MX2: variants seen among roughly 807,000 people sequenced by gnomAD.
The protein encoded by MX2 is MX dynamin like GTPase 2, also known as interferon-induced GTP-binding protein Mx2.
Under a neutral mutation model 74.0 loss-of-function variants are expected in MX2, and 51 were observed. The ratio of observed to expected loss-of-function variants is 0.69; its 90% CI spans 0.55 to 0.87. The LOEUF (loss-of-function observed/expected upper bound fraction) is 0.87. Ranked by LOEUF, MX2 falls within the 40% of genes least tolerant of loss-of-function variation. The pLI is 0.00. For synonymous variants in MX2, 369 were observed against 339.3 expected (o/e 1.09, Z -0.96); for missense variants, 832 against 908.7 (o/e 0.92, Z 1.09).
intron 8 of MX2, among the ~76,000 whole-genome samples, chr21:41,398,626 A>G (rs573947357): frequency 1.3e-5 from 2 of 152,336 alleles, no homozygotes; most frequent in South Asian, 2.1e-4. Context: ...TGAGCCAGGA[A>G]GCACATACTC....
chr21:41,390,595 A>T lies in MX2; in HGVS notation c.763A>T (p.Arg255Trp). The T allele has an allele frequency of 1.2e-6, 2 of 1,614,186 alleles. No individual in the cohort carries two copies. The highest frequency in any genetic ancestry group is 1.1e-5 in the South Asian group (1 of 91,082). ...GGCTCTCATCAAGAAGTACATCCAG[A>T]GGCAGCAGACGATCAACTTGGTGGT... is the stretch of plus-strand genomic sequence containing the variant. ...IKALIKKYIQ[R>W]QQTINLVVVP... is the part of the protein sequence containing the mutation. The change falls in exon 6 of 14, where the codon AGG (arginine) becomes TGG (tryptophan). Residue 255 changes from arginine to tryptophan, a missense_variant. Coordinates refer to ENST00000330714, the MANE Select transcript of MX2 (RefSeq NM_002463.2).
intron 5 of MX2, among the ~76,000 whole-genome samples, chr21:41,383,381 C>T (rs934228689): frequency 6.6e-6 from 1 of 152,144 alleles, no homozygotes; most frequent in East Asian, 1.9e-4. Flanking sequence ...AATAAATAAA[C>T]CTGAGGTTGC....
Position 41,402,020 on chromosome 21 carries a change from G to C in MX2, c.1465G>C (p.Gly489Arg), listed in dbSNP as rs1455371291. The change falls in exon 11 of 14, where the codon GGC (glycine) becomes CGC (arginine). Residue 489 changes from glycine (G) to arginine (R), a missense_variant. Physicochemically the swap from Gly to Arg is moderately radical, Grantham distance 125. Coordinates refer to ENST00000330714, the MANE Select transcript of MX2 (RefSeq NM_002463.2). This position sits in a 1 kb window ranked among gnomAD's most constrained non-coding sequence, Gnocchi z 4.5. ...TGAAAAATATGAAAAGCAGTATCGAGGCAAGGAGCTTCTGGGATTTGTCAA... is the reference window on the plus strand; with the variant it reads ...TGAAAAATATGAAAAGCAGTATCGACGCAAGGAGCTTCTGGGATTTGTCAA... ...EVEKYEKQYR[G>R]KELLGFVNYK... The C allele has an allele frequency of 6.2e-7, 1 of 1,614,116 alleles. No individual in the cohort carries two copies.
Position 41,368,205 on chromosome 21 carries a change from G to A in MX2, c.-72+6150G>A, listed in dbSNP as rs1354276695. On this transcript the variant is annotated intron_variant, in intron 1 of 13. Transcript: ENST00000330714. The surrounding 1 kb of genome is among the most constrained non-coding windows in gnomAD (Gnocchi z 4.6). ...CACTTTCATTCCCTCCTGCCTCTGT[G>A]CATAGCCCAAGTCCCACCTGTCCAT... is the stretch of plus-strand genomic sequence containing the variant. Among the ~76,000 whole-genome samples, 1 of 152,134 alleles carries A rather than the reference G, an allele frequency of 6.6e-6. No homozygotes were observed. The highest frequency in any genetic ancestry group is 1.5e-5 in the Non-Finnish European group (1 of 68,020).
intron 2 of MX2, among the ~76,000 whole-genome samples, chr21:41,377,374 CG>C: frequency 6.6e-6 from 1 of 152,176 alleles, no homozygotes; most frequent in Non-Finnish European, 1.5e-5. Context: ...CTTCTGTGTG[CG>C]GGGGTCCCCT....
In MX2 at chr21:41,376,852, C is replaced by A; in HGVS notation, c.-55C>A. The A allele has an allele frequency of 6.3e-7, 1 of 1,595,772 alleles. No individual in the cohort carries two copies. Among genetic ancestry groups the A allele is most frequent in the Non-Finnish European group, 8.5e-7 (1 of 1,169,992 alleles). Reference sequence around the variant, plus strand: ...TCTTTGCAGAGCTTGTCAGGAAGATCGGAGGTGCCAAGTAGCAGAGAAAGC... The same window carrying A: ...TCTTTGCAGAGCTTGTCAGGAAGATAGGAGGTGCCAAGTAGCAGAGAAAGC... On this transcript the variant is annotated 5_prime_UTR_variant, in exon 2 of 14. Coordinates refer to ENST00000330714, the MANE Select transcript of MX2 (RefSeq NM_002463.2).
intron 5 of MX2, among the ~76,000 whole-genome samples, chr21:41,383,612 C>A (rs1220970453): frequency 6.6e-6 from 1 of 152,156 alleles, no homozygotes; most frequent in East Asian, 1.9e-4. Flanking sequence ...CTGGCTTCTT[C>A]CATTTTGTGG....
chr21:41,369,742 G>T (rs1280943891), intron 1 of MX2, among the ~76,000 whole-genome samples: 1 of 152,106 alleles, frequency 6.6e-6, no homozygotes, highest in Non-Finnish European at 1.5e-5. Flanking sequence ...CTGCATGGGG[G>T]ATGATGCCGC....
rs2145985588 is a variant in MX2, at chr21:41,408,351, TCTA to T, written c.*121_*123del. The T allele has an allele frequency of 7.5e-7, 1 of 1,341,662 alleles. No individual in the cohort carries two copies. Among genetic ancestry groups the T allele is most frequent in the East Asian group, 2.4e-5 (1 of 42,150 alleles). 83.1% of individuals were successfully genotyped at this position (1,341,662 alleles called of 1,614,324 possible). A position where few individuals can be genotyped will look rare whatever the true frequency, so the allele number is the denominator to read the frequency against. ...TCTTCTGTCACTATCAGTGTCCATCTCTACTGTACTCCCTCAGCATCAGAGCAT... is the reference window on the plus strand; with the variant it reads ...TCTTCTGTCACTATCAGTGTCCATCTCTGTACTCCCTCAGCATCAGAGCAT... On this transcript the variant is annotated 3_prime_UTR_variant, in exon 14 of 14. Transcript: ENST00000330714.
chr21:41,376,390 A>C (rs368549), intron 1 of MX2, among the ~76,000 whole-genome samples: 126,997 of 151,652 alleles, frequency 0.84, 53,361 homozygotes, highest in East Asian at 0.99. Flanking sequence ...CACACACACA[A>C]AAAAAACTAG....
chr21:41,407,103 A>G (rs2089897051), intron 13 of MX2, 105 bp downstream of exon 13: 6 of 1,203,038 alleles, frequency 5.0e-6, no homozygotes, highest in Non-Finnish European at 6.9e-6. Context: ...GGGAGGGACC[A>G]CTACAATGTA....
Position 41,390,666 on chromosome 21 carries a change from G to A in MX2, c.834G>A (p.Met278Ile). The change falls in exon 6 of 14, where the codon ATG (methionine) becomes ATA (isoleucine). Residue 278 changes from methionine to isoleucine, a missense_variant. By Grantham distance (10) the Met-to-Ile change is conservative. Transcript: ENST00000330714. ...VDIATTEALS[M>I]AHEVDPEGDR... ...TTGCCACCACGGAGGCGCTGAGCAT[G>A]GCCCATGAGGTGGACCCGGAAGGGG... 6.2e-7 allele frequency: 1 copy of A among 1,614,198 alleles called. No homozygotes were observed. Among genetic ancestry groups the A allele is most frequent in the Non-Finnish European group, 8.5e-7 (1 of 1,180,038 alleles).
rs2089265992 is a variant in MX2 at position 41,366,376 on chromosome 21, A to T, written c.-72+4321A>T. 1 of 152,254 alleles carries T rather than the reference A, an allele frequency of 6.6e-6. No homozygotes were observed. The highest frequency in any genetic ancestry group is 1.5e-5 in the Non-Finnish European group (1 of 68,064). The allele number at this position is 152,254 out of a possible 1,614,324, so 9.4% of individuals were successfully genotyped here. A position where few individuals can be genotyped will look rare whatever the true frequency, so the allele number is the denominator to read the frequency against. On this transcript the variant is annotated intron_variant, in intron 1 of 13. Coordinates refer to ENST00000330714, the MANE Select transcript of MX2 (RefSeq NM_002463.2). The surrounding 1 kb of genome is among the most constrained non-coding windows in gnomAD (Gnocchi z 4.5). ...ATAGAGGTAAACCTGAGACTGAGTA[A>T]CTTACAAAGAAAAGAGGTTTAGCCG... is the stretch of plus-strand genomic sequence containing the variant.
intron 1 of MX2, chr21:41,365,431 C>T (rs2089257350): frequency 6.6e-6 from 1 of 152,076 alleles, no homozygotes; most frequent in Non-Finnish European, 1.5e-5. Flanking sequence ...TTCTTTGTGG[C>T]CATGTGTGTT....
intron 9 of MX2, 51 bp downstream of exon 9, chr21:41,399,070 C>T (rs375869944): frequency 2.1e-5 from 33 of 1,596,812 alleles, no homozygotes; most frequent in Non-Finnish European, 2.7e-5. Flanking sequence ...CCCTGGTGGC[C>T]CTGCAGCTGC....
intron 12 of MX2, among the ~76,000 whole-genome samples, chr21:41,406,104 T>C (rs1182523742): frequency 6.6e-6 from 1 of 152,224 alleles, no homozygotes; most frequent in African/African-American, 2.4e-5. Flanking sequence ...TTCTCCTGCC[T>C]CAGCCTCCCA....
In MX2 at chr21:41,408,424, C is replaced by T. The variant is rs1331874040; in HGVS notation, c.*191C>T. 1.4e-6 allele frequency: 1 copy of T among 716,158 alleles called. No individual in the cohort carries two copies. Among genetic ancestry groups the T allele is most frequent in the Non-Finnish European group, 2.2e-6 (1 of 447,910 alleles). 44.4% of individuals were successfully genotyped at this position (716,158 alleles called of 1,614,324 possible). On this transcript the variant is annotated 3_prime_UTR_variant, in exon 14 of 14. Transcript: ENST00000330714. ...GCTCAGCTCTCTCCACCACCCAGCT[C>T]TTCCCTGACCTTCACGAAGGGATGG... is the stretch of plus-strand genomic sequence containing the variant.
At chr21:41,396,695 C>G (rs1489457647) in intron 7 of MX2, among the ~76,000 whole-genome samples, 1 of 152,188 alleles carries the variant, frequency 6.6e-6, no homozygotes, top group Non-Finnish European at 1.5e-5. Context: ...TTCCTTCTTT[C>G]TTCCTCTCTG....
chr21:41,399,292 G>C lies in MX2; in HGVS notation c.1369G>C (p.Asp457His). The C allele has an allele frequency of 1.2e-6, 2 of 1,614,048 alleles. No individual in the cohort carries two copies. Among genetic ancestry groups the C allele is most frequent in the African/African-American group, 2.7e-5 (2 of 75,032 alleles). The change falls in exon 10 of 14, where the codon GAT becomes CAT. Residue 457 changes from aspartate to histidine, a missense_variant. By Grantham distance (81) the Asp-to-His change is moderately conservative. Transcript: ENST00000330714. ...CCGTTTATACAACAAAATCAGAGAG[G>C]ATTTTAAAAACTGGGTAGGCATACT... ...ETRLYNKIRE[D>H]FKNWVGILAT...
Sources: allele counts gnomAD v4.1 joint callset (sites outside exome capture counted in the v4.1 genomes callset), GRCh38; gene constraint gnomAD v4.1.1; non-coding constraint Gnocchi (gnomAD v3.1); transcripts MANE v1.5; gene names NCBI Gene and HGNC (gene_info 2026-07-23, HGNC 2026-07-21).